Variants in TCF4 observed in about 807,000 individuals in gnomAD.
The protein encoded by TCF4 is transcription factor 4.
A neutral mutation model predicts 82.1 loss-of-function variants in TCF4; 3 were observed. The observed-to-expected ratio is 0.04, with a 90% CI of 0.02 to 0.09. TCF4 has a LOEUF of 0.09. Ranked by LOEUF, TCF4 falls within the 10% of genes least tolerant of loss-of-function variation. The probability of loss-of-function intolerance (pLI) is 1.00; values close to 1 mark genes in which losing one functional copy is unlikely to be tolerated. For synonymous variants in TCF4, 276 were observed against 309.6 expected, an observed-to-expected ratio of 0.89 and a Z score of 1.14; for missense variants, 518 against 852.7, an observed-to-expected ratio of 0.61 and a Z score of 4.89.
chr18:55,368,305 C>T (rs1460415282), intron 6 of TCF4, among the ~76,000 whole-genome samples: 1 of 152,136 alleles, frequency 6.6e-6, no homozygotes, highest in African/African-American at 2.4e-5. Context: ...CACTTGAACC[C>T]AGGAGGCGGA....
chr18:55,373,879 C>T (rs1569246708), intron 6 of TCF4, among the ~76,000 whole-genome samples: 3 of 151,490 alleles, frequency 2.0e-5, no homozygotes, highest in Admixed American at 6.6e-5. Context: ...ATATGAAATG[C>T]TTAAAAAAAA....
chr18:55,538,842 G>C (rs1490569031), intron 3 of TCF4, among the ~76,000 whole-genome samples: 1 of 152,084 alleles, frequency 6.6e-6, no homozygotes, highest in Non-Finnish European at 1.5e-5. Flanking sequence ...AATGAAAGAA[G>C]GAAGGTTCGG....
intron 3 of TCF4, among the ~76,000 whole-genome samples, chr18:55,497,522 A>T (rs2096650501): frequency 6.6e-6 from 1 of 152,344 alleles, no homozygotes; most frequent in East Asian, 1.9e-4. Flanking sequence ...GTCTTCAATA[A>T]GGCTACAAAT....
At chr18:55,469,274 G>T (rs2096118808) in intron 3 of TCF4, among the ~76,000 whole-genome samples, 1 of 152,052 alleles carries the variant, frequency 6.6e-6, no homozygotes, top group Non-Finnish European at 1.5e-5. Flanking sequence ...AGCCAGCCTG[G>T]CCAAAATGGT....
chr18:55,628,783 G>A (rs1394661532), intron 2 of TCF4, among the ~76,000 whole-genome samples: 2 of 152,012 alleles, frequency 1.3e-5, no homozygotes, highest in African/African-American at 4.8e-5. Flanking sequence ...GTATGTCTTT[G>A]TTTTGCAAAA....
At chr18:55,403,993 G>GTCTC (rs748773770) in intron 5 of TCF4, 5 of 1,213,478 alleles carry the variant, frequency 4.1e-6, no homozygotes, top group South Asian at 4.7e-5. Flanking sequence ...AAAATTCTGA[G>GTCTC]TCTCTCTCTC....
chr18:55,238,107 G>GAGA (rs1482130356), intron 15 of TCF4, among the ~76,000 whole-genome samples: 1 of 152,228 alleles, frequency 6.6e-6, no homozygotes, highest in Non-Finnish European at 1.5e-5. Flanking sequence ...ATGTGACTAG[G>GAGA]AGAAAGGAGA....
chr18:55,433,869 C>T (rs2147199462), intron 5 of TCF4, among the ~76,000 whole-genome samples: 1 of 152,170 alleles, frequency 6.6e-6, no homozygotes, highest in East Asian at 1.9e-4. Flanking sequence ...CTTATGTGCC[C>T]AATCATCCAT....
At chr18:55,351,262 A>T (rs576771102) in intron 6 of TCF4, 2 of 416,850 alleles carry the variant, frequency 4.8e-6, no homozygotes, top group Non-Finnish European at 4.4e-6. Flanking sequence ...TTTTAAGATG[A>T]CTCACGTTTT....
At chr18:55,229,472 TTA>T (rs544648196) in intron 17 of TCF4, 35 of 222,330 alleles carry the variant, frequency 1.6e-4, no homozygotes, top group African/African-American at 7.8e-4. Flanking sequence ...CAAAAAGACT[TTA>T]TGTTTATACT....
Position 55,309,314 on chromosome 18 carries a change from G to T in TCF4, c.550-29658C>A, listed in dbSNP as rs945190360. Among the ~76,000 whole-genome samples, 13 of 151,266 alleles carry T rather than the reference G, an allele frequency of 8.6e-5. No homozygotes were observed. In the East Asian group the frequency reaches 2.1e-3, roughly 25 times the overall value. ...TTTTTTAACTTTTTCTAGAGACAGG[G>T]TGTCCCAATGTTGATCATGTTGATC... On this transcript the variant is annotated intron_variant, in intron 8 of 19. Coordinates refer to ENST00000354452, the MANE Select transcript of TCF4 (RefSeq NM_001083962.2).
intron 3 of TCF4, among the ~76,000 whole-genome samples, chr18:55,505,803 C>CAAAAAAA (rs35471663): frequency 2.4e-5 from 2 of 83,116 alleles, no homozygotes; most frequent in East Asian, 4.1e-4. Flanking sequence ...GACTCCGTCT[C>CAAAAAAA]AAAAAAAAAA....
chr18:55,316,498 A>G (rs778741866), intron 8 of TCF4, among the ~76,000 whole-genome samples: 4 of 152,124 alleles, frequency 2.6e-5, no homozygotes, highest in African/African-American at 7.2e-5. Flanking sequence ...CAAAATTCAT[A>G]TAATGAAATA....
chr18:55,254,439 A>G (rs2056220740), intron 15 of TCF4, 58 bp downstream of exon 15: 1 of 1,520,266 alleles, frequency 6.6e-7, no homozygotes, highest in Non-Finnish European at 9.1e-7. Flanking sequence ...AATAGTATCT[A>G]TATCTGAAAT....
chr18:55,539,956 G>C (rs1284653634), intron 3 of TCF4, among the ~76,000 whole-genome samples: 1 of 151,890 alleles, frequency 6.6e-6, no homozygotes, highest in Non-Finnish European at 1.5e-5. Context: ...TCCATTCTGA[G>C]TCACTCTTTC....
At chr18:55,359,358 C>A (rs951782460) in intron 6 of TCF4, among the ~76,000 whole-genome samples, 1 of 152,078 alleles carries the variant, frequency 6.6e-6, no homozygotes, top group Non-Finnish European at 1.5e-5. Context: ...CGTTTCCTTC[C>A]ACTTCATCTG....
intron 2 of TCF4, among the ~76,000 whole-genome samples, chr18:55,613,236 G>A (rs531770515): frequency 7.2e-5 from 11 of 151,972 alleles, no homozygotes; most frequent in Non-Finnish European, 1.3e-4. Flanking sequence ...ATGCCCCTAT[G>A]TTATCCCTCC....
intron 2 of TCF4, among the ~76,000 whole-genome samples, chr18:55,621,660 T>TTATATATAATATATATA: frequency 2.0e-5 from 1 of 49,208 alleles, no homozygotes. Context: ...TTATATAATA[T>TTATATATAATATATATA]ACATTATATA....
At chr18:55,465,713 C>T (rs1405695303) in intron 3 of TCF4, among the ~76,000 whole-genome samples, 1 of 152,128 alleles carries the variant, frequency 6.6e-6, no homozygotes, top group African/African-American at 2.4e-5. Flanking sequence ...AATTTTGTAG[C>T]CTACACGGTT....
Sources: allele counts gnomAD v4.1 joint callset (sites outside exome capture counted in the v4.1 genomes callset), GRCh38; gene constraint gnomAD v4.1.1; transcripts MANE v1.5; gene names NCBI Gene and HGNC (gene_info 2026-07-23, HGNC 2026-07-21).